Variants in ZFYVE27 observed in about 807,000 individuals in gnomAD.
ZFYVE27 encodes the protein protrudin.
ZFYVE27 carries 36 observed loss-of-function variants against 52.8 expected under a neutral mutation model. The ratio of observed to expected loss-of-function variants is 0.68; its 90% CI spans 0.52 to 0.90. The LOEUF (loss-of-function observed/expected upper bound fraction) is 0.90. ZFYVE27 is among the 40% of genes least tolerant of loss of function. The pLI, the probability that ZFYVE27 is intolerant of heterozygous loss-of-function variation, is 0.00. For missense variants in ZFYVE27, 450 were observed against 527.2 expected (o/e 0.85, Z 1.43); for synonymous variants, 223 against 215.6 (o/e 1.03, Z -0.30).
Position 97,753,036 on chromosome 10 carries a change from A to G in ZFYVE27, c.898-2A>G, listed in dbSNP as rs1215211014. 2 of 1,612,802 alleles carry G rather than the reference A, an allele frequency of 1.2e-6. No homozygotes were observed. Among genetic ancestry groups the G allele is most frequent in the Non-Finnish European group, 8.5e-7 (1 of 1,179,566 alleles). ...CAGGACTGGAAGGAGCTGTTCCCAC[A>G]GGAGGATGATGAGGGCGCCCCGTGC... On this transcript the variant is annotated splice_acceptor_variant, in intron 9 of 12. Coordinates refer to ENST00000684270, the MANE Select transcript of ZFYVE27 (RefSeq NM_001385875.1). LOFTEE classifies it high-confidence loss of function.
Position 97,760,862 on chromosome 10 carries a change from A to G in ZFYVE27, c.*1562A>G, listed in dbSNP as rs911162422. The G allele has an allele frequency of 1.3e-5, 2 of 152,240 alleles. No homozygotes were observed. The highest frequency in any genetic ancestry group is 2.9e-5 in the Non-Finnish European group (2 of 68,048). The allele number at this position is 152,240 out of a possible 1,614,324, so 9.4% of individuals were successfully genotyped here. A position where few individuals can be genotyped will look rare whatever the true frequency, so the allele number is the denominator to read the frequency against. On this transcript the variant is annotated 3_prime_UTR_variant, in exon 13 of 13. Transcript: ENST00000684270. ...AGGAACTAAAAGGATCTCTGTGTCT[A>G]TGGAGAATTGTCAATAAAAAGGCCT...
chr10:97,756,859 G>A (rs1026254900), intron 10 of ZFYVE27, among the ~76,000 whole-genome samples: 4 of 152,224 alleles, frequency 2.6e-5, no homozygotes, highest in African/African-American at 9.6e-5. Flanking sequence ...TTTAGCCTGT[G>A]GGTGGAGTAT....
At chr10:97,739,886 T>TTTTTTTGTTTTTTG (rs1215418306) in intron 2 of ZFYVE27, among the ~76,000 whole-genome samples, 10 of 26,394 alleles carry the variant, frequency 3.8e-4, no homozygotes, top group Non-Finnish European at 6.0e-4. Context: ...TAGAAAAGTG[T>TTTTTTTGTTTTTTG]TTTTTTTTTT....
At chr10:97,742,926 G>A (rs886597689) in intron 2 of ZFYVE27, among the ~76,000 whole-genome samples, 168 bp from the exon 3 acceptor site, 1 of 152,078 alleles carries the variant, frequency 6.6e-6, no homozygotes, top group Non-Finnish European at 1.5e-5. Flanking sequence ...ACATCTTACC[G>A]CCTCTCCTGG....
intron 6 of ZFYVE27, chr10:97,749,973 G>T: frequency 2.4e-6 from 1 of 412,846 alleles, no homozygotes. Context: ...TCTGTTGTCT[G>T]GCTTCTAAAG....
chr10:97,751,478 C>T lies in ZFYVE27; in HGVS notation c.876+16C>T, dbSNP rs1296257524. The T allele has an allele frequency of 6.2e-7, 1 of 1,613,022 alleles. No individual in the cohort carries two copies. Among genetic ancestry groups the T allele is most frequent in the African/African-American group, 1.3e-5 (1 of 74,900 alleles). On this transcript the variant is annotated intron_variant, in intron 8 of 12. Coordinates refer to ENST00000684270, the MANE Select transcript of ZFYVE27 (RefSeq NM_001385875.1). ...TGCGATTGAGGTGGGTGGCCCTTCCCCAGCATCCTCTACTCAGCAGGCCAG... is the reference window on the plus strand; with the variant it reads ...TGCGATTGAGGTGGGTGGCCCTTCCTCAGCATCCTCTACTCAGCAGGCCAG...
rs1461844228 is a variant in ZFYVE27 at position 97,753,328 on chromosome 10, G to A, written c.1042+146G>A. ...GAGCAGGGAGTGAAGGTGTGTCCGCGGGACCCCGGGGAGCTAGCAGATGCC... is the reference window on the plus strand; with the variant it reads ...GAGCAGGGAGTGAAGGTGTGTCCGCAGGACCCCGGGGAGCTAGCAGATGCC... On this transcript the variant is annotated intron_variant, in intron 10 of 12. Coordinates refer to ENST00000684270, the MANE Select transcript of ZFYVE27 (RefSeq NM_001385875.1). 7.8e-6 allele frequency: 10 copies of A among 1,274,564 alleles called. No homozygotes were observed. In the Admixed American group the frequency reaches 9.5e-5, roughly 12 times the overall value. 79.0% of individuals were successfully genotyped at this position (1,274,564 alleles called of 1,614,324 possible).
chr10:97,741,697 G>A (rs2043683182), intron 2 of ZFYVE27, among the ~76,000 whole-genome samples: 1 of 152,098 alleles, frequency 6.6e-6, no homozygotes, highest in African/African-American at 2.4e-5. Flanking sequence ...AACCACCATG[G>A]CACGTGTATA....
In ZFYVE27 at chr10:97,749,552, C is replaced by T; in HGVS notation, c.630C>T (p.Ser210=). Residue 210 remains serine, a synonymous_variant, in exon 6 of 13, where the codon AGC becomes AGT. Coordinates refer to ENST00000684270, the MANE Select transcript of ZFYVE27 (RefSeq NM_001385875.1). ...PLCWVLTLLN[S]TLFLGNVEFF... is the part of the protein sequence containing the mutation. ...GCTGGGTTCTCACCCTTTTAAACAG[C>T]ACGCTCTTTCTGGGGAATGTGGAGT... 2 of 1,614,206 alleles carry T rather than the reference C, an allele frequency of 1.2e-6. No homozygotes were observed. The highest frequency in any genetic ancestry group is 1.7e-6 in the Non-Finnish European group (2 of 1,180,028).
Position 97,741,360 on chromosome 10 carries a change from C to T in ZFYVE27, c.198-1734C>T, listed in dbSNP as rs142166340. Among the ~76,000 whole-genome samples the T allele has an allele frequency of 1.4e-3, 208 of 152,328 alleles. 3 individuals carry two copies. The East Asian group carries it at 0.031, about 23-fold the overall frequency. ...CACAATAGCAAAGACTTGGAACCAACCTAAATGTCCATCAATGATAGACTG... is the reference window on the plus strand; with the variant it reads ...CACAATAGCAAAGACTTGGAACCAATCTAAATGTCCATCAATGATAGACTG... On this transcript the variant is annotated intron_variant, in intron 2 of 12. Coordinates refer to ENST00000684270, the MANE Select transcript of ZFYVE27 (RefSeq NM_001385875.1).
Position 97,750,499 on chromosome 10 carries a change from C to G in ZFYVE27, c.804+29C>G, listed in dbSNP as rs920576832. On this transcript the variant is annotated intron_variant, in intron 7 of 12. Transcript: ENST00000684270. ...AGTGCCACTGTCAGGGCAGAGCCTG[C>G]TGTGGCCGCTTGTGGGCCCCCCTGT... 1.9e-6 allele frequency: 3 copies of G among 1,612,828 alleles called. No homozygotes were observed. The South Asian group carries it at 3.3e-5, about 18-fold the overall frequency.
chr10:97,751,092 G>A (rs950092376), intron 7 of ZFYVE27, among the ~76,000 whole-genome samples: 3 of 152,166 alleles, frequency 2.0e-5, no homozygotes, highest in African/African-American at 7.2e-5. Flanking sequence ...AGAAGGCTGA[G>A]GCACAGAGTG....
intron 2 of ZFYVE27, among the ~76,000 whole-genome samples, chr10:97,739,683 G>A (rs2043073045): frequency 6.6e-6 from 1 of 152,092 alleles, no homozygotes; most frequent in Non-Finnish European, 1.5e-5. Context: ...CAGTCCAGGA[G>A]TGTGCATTGT....
intron 10 of ZFYVE27, among the ~76,000 whole-genome samples, chr10:97,756,646 G>T (rs1015448031): frequency 2.0e-5 from 3 of 152,164 alleles, no homozygotes; most frequent in Non-Finnish European, 4.4e-5. Flanking sequence ...TGGCATCTCT[G>T]GTGGTTTAGG....
rs751135777 is a variant in ZFYVE27 at position 97,743,087 on chromosome 10, A to G, written c.198-7A>G. The G allele has an allele frequency of 3.2e-5, 52 of 1,613,974 alleles. No individual in the cohort carries two copies. The South Asian group carries it at 5.2e-4, about 16-fold the overall frequency. On this transcript the variant is annotated splice_region_variant and splice_polypyrimidine_tract_variant and intron_variant, in intron 2 of 12. Transcript: ENST00000684270. Reference sequence around the variant, plus strand: ...CTCTGTAGTGATCAGGACTCTCTGTATTGTAGGTGGCAGATGCCTTTGTGT... The same window carrying G: ...CTCTGTAGTGATCAGGACTCTCTGTGTTGTAGGTGGCAGATGCCTTTGTGT...
At chr10:97,750,790 G>C (rs1233657962) in intron 7 of ZFYVE27, among the ~76,000 whole-genome samples, 1 of 150,666 alleles carries the variant, frequency 6.6e-6, no homozygotes, top group Non-Finnish European at 1.5e-5. Flanking sequence ...ACCCAGGCTA[G>C]AGGGCAGTGG....
chr10:97,739,384 A>G (rs2042983462), intron 2 of ZFYVE27, among the ~76,000 whole-genome samples: 1 of 152,112 alleles, frequency 6.6e-6, no homozygotes, highest in African/African-American at 2.4e-5. Flanking sequence ...TTACTAATTT[A>G]TTGAGATTAT....
intron 4 of ZFYVE27, among the ~76,000 whole-genome samples, chr10:97,746,505 A>G (rs967463449): frequency 1.3e-5 from 2 of 152,216 alleles, no homozygotes; most frequent in African/African-American, 4.8e-5. Context: ...GTAAGTTGCA[A>G]ACGTGACTTA....
rs566280471 is a variant in ZFYVE27 at position 97,754,908 on chromosome 10, T to G, written c.1042+1726T>G. On this transcript the variant is annotated intron_variant, in intron 10 of 12. Transcript: ENST00000684270. ...GATGAATAACCTGAGGTAAAAAGAG[T>G]GCTTTGCCCAGAGACTTTGGCCTGG... The G allele has an allele frequency of 6.6e-6, 6 of 906,278 alleles. No homozygotes were observed. The South Asian group carries it at 2.0e-4, about 31-fold the overall frequency. The allele number at this position is 906,278 out of a possible 1,614,324, so 56.1% of individuals were successfully genotyped here.
Sources: gnomAD v4.1 joint callset for allele counts (sites outside exome capture counted in the v4.1 genomes callset) on GRCh38, gnomAD v4.1.1 for gene constraint, MANE v1.5 for transcripts, NCBI Gene and HGNC (gene_info 2026-07-23, HGNC 2026-07-21) for gene names.